The following ZSWIM5 variants were observed in gnomAD, a reference collection of about 807,000 sequenced individuals.
ZSWIM5 encodes zinc finger SWIM-type containing 5.
Under a neutral mutation model 119.6 loss-of-function variants are expected in ZSWIM5, and 55 were observed. The ratio of observed to expected loss-of-function variants is 0.46; its 90% confidence interval spans 0.37 to 0.58. The LOEUF (loss-of-function observed/expected upper bound fraction) is 0.58. Ranked by LOEUF, ZSWIM5 falls within the 20% of genes least tolerant of loss-of-function variation. The pLI, the probability that ZSWIM5 is intolerant of heterozygous loss-of-function variation, is 0.00. For missense variants in ZSWIM5, 1,193 were observed against 1,512.8 expected (o/e 0.79, Z 3.51); for synonymous variants, 537 against 606.9 (o/e 0.88, Z 1.69).
chr1:45,087,560 A>G (rs540002961), intron 2 of ZSWIM5, among the ~76,000 whole-genome samples: 8 of 152,300 alleles, frequency 5.3e-5, no homozygotes, highest in Non-Finnish European at 1.0e-4. Context: ...GCTTTCTTTT[A>G]CTGTTTTAAC....
intron 1 of ZSWIM5, among the ~76,000 whole-genome samples, chr1:45,142,923 C>A (rs1268378895): frequency 6.6e-6 from 1 of 150,940 alleles, no homozygotes; most frequent in African/African-American, 2.4e-5. Context: ...ATAATCCCAG[C>A]ACTTTGGGAG....
intron 4 of ZSWIM5, among the ~76,000 whole-genome samples, chr1:45,054,958 T>C (rs1234244909): frequency 6.6e-6 from 1 of 152,160 alleles, no homozygotes; most frequent in African/African-American, 2.4e-5. Flanking sequence ...CCTAAGTAAC[T>C]GGCATTACAG....
chr1:45,182,457 T>C (rs998097978), intron 1 of ZSWIM5, among the ~76,000 whole-genome samples: 15 of 150,206 alleles, frequency 1.0e-4, no homozygotes, highest in East Asian at 5.8e-4. Context: ...GACTGGCAAA[T>C]TGGATAAAGA....
intron 1 of ZSWIM5, among the ~76,000 whole-genome samples, chr1:45,094,310 TCCCAAAGTACTGGGATTACAGGCA>T (rs1645386105): frequency 6.6e-6 from 1 of 152,028 alleles, no homozygotes; most frequent in Admixed American, 6.5e-5. Context: ...TGCCTCAGCA[TCCCAAAGTACTGGGATTACAGGCA>T]CGAGCCACTG....
chr1:45,061,737 AG>A (rs1257522037), intron 2 of ZSWIM5, among the ~76,000 whole-genome samples: 2 of 80,730 alleles, frequency 2.5e-5, no homozygotes, highest in Non-Finnish European at 5.3e-5. Flanking sequence ...TCACCTCACC[AG>A]TTTTTTTTTT....
At chr1:45,205,473 C>T (rs1193662565) in intron 1 of ZSWIM5, among the ~76,000 whole-genome samples, 3 of 152,140 alleles carry the variant, frequency 2.0e-5, no homozygotes, top group Non-Finnish European at 2.9e-5. Context: ...AAAAGTCATA[C>T]CTCCCCATTC....
chr1:45,082,337 GAA>G (rs34118103), intron 2 of ZSWIM5, among the ~76,000 whole-genome samples: 22 of 131,158 alleles, frequency 1.7e-4, no homozygotes, highest in Admixed American at 4.6e-4. Context: ...AAAAAAAAAA[GAA>G]AAAAAAAAAA....
rs901083861 is a variant in ZSWIM5 at position 45,051,133 on chromosome 1, T to C, written c.1373A>G (p.Tyr458Cys). The change falls in exon 5 of 14, where the codon TAT becomes TGT. Residue 458 changes from tyrosine (Y) to cysteine (C), a missense_variant. Physicochemically the swap from Tyr to Cys is radical, Grantham distance 194. This residue lies in a region of ZSWIM5 where 961 missense variants were observed against 1,290.0 expected (regional missense o/e 0.74). Coordinates refer to ENST00000359600, the MANE Select transcript of ZSWIM5 (RefSeq NM_020883.2). Reference sequence around the variant, plus strand: ...GGTGATGTTGGGCAGCTCATGTCCATAGTTTCCATCCTCCAGGGGACAGAC... The same window carrying C: ...GGTGATGTTGGGCAGCTCATGTCCACAGTTTCCATCCTCCAGGGGACAGAC... Reference protein sequence around the residue: ...LDVCPLEDGNYGHELPNITNA... With the variant: ...LDVCPLEDGNCGHELPNITNA... 3.7e-6 allele frequency: 6 copies of C among 1,614,100 alleles called. No homozygotes were observed. In the East Asian group the frequency reaches 1.3e-4, roughly 36 times the overall value.
chr1:45,107,125 G>T lies in ZSWIM5; in HGVS notation c.596-18888C>A, dbSNP rs80320780. Among the ~76,000 whole-genome samples the T allele has an allele frequency of 6.9e-3, 1,042 of 152,104 alleles. 11 individuals are homozygous for T. Among genetic ancestry groups the T allele is most frequent in the African/African-American group, 0.022 (932 of 41,514 alleles). On this transcript the variant is annotated intron_variant, in intron 1 of 13. Coordinates refer to ENST00000359600, the MANE Select transcript of ZSWIM5 (RefSeq NM_020883.2). ...AGGAAAACCAGAGACCTTTGTTCTC[G>T]TGTTTATCTGCTGACCTTCTCTCCC...
At position 45,156,689 on chromosome 1, in the gene ZSWIM5, C is replaced by T. The variant is rs556839658; in HGVS notation, c.595+49067G>A. Reference sequence around the variant, plus strand: ...ATACCTAATTTGGGTAGAGTAGGAACGTACTGCATATGTCGGGGTAGTGTG... The same window carrying T: ...ATACCTAATTTGGGTAGAGTAGGAATGTACTGCATATGTCGGGGTAGTGTG... On this transcript the variant is annotated intron_variant, in intron 1 of 13. Coordinates refer to ENST00000359600, the MANE Select transcript of ZSWIM5 (RefSeq NM_020883.2). 1.3e-3 allele frequency among the ~76,000 whole-genome samples: 179 copies of T among 142,410 alleles called. 1 individual carries two copies. The highest frequency in any genetic ancestry group is 4.1e-3 in the African/African-American group (154 of 38,018). The allele number at this position is 142,410 out of a possible 152,430, so 93.4% of individuals were successfully genotyped here.
chr1:45,169,920 T>A (rs1645935385), intron 1 of ZSWIM5, among the ~76,000 whole-genome samples: 2 of 151,508 alleles, frequency 1.3e-5, no homozygotes, highest in Non-Finnish European at 2.9e-5. Flanking sequence ...ATCCTCCTTT[T>A]AAAAAAAAAT....
In ZSWIM5 at chr1:45,114,260, G is replaced by A. The variant is rs1184786951; in HGVS notation, c.596-26023C>T. On this transcript the variant is annotated intron_variant, in intron 1 of 13. Coordinates refer to ENST00000359600, the MANE Select transcript of ZSWIM5 (RefSeq NM_020883.2). ...AAGCACCACAAGCATTATAAGGAGA[G>A]TAACTAGTTTGCCTGGTACAAAGTG... Among the ~76,000 whole-genome samples, 6 of 152,224 alleles carry A rather than the reference G, an allele frequency of 3.9e-5. No individual in the cohort carries two copies. In the South Asian group the frequency reaches 1.2e-3, roughly 32 times the overall value.
At chr1:45,078,127 A>G (rs566128877) in intron 2 of ZSWIM5, among the ~76,000 whole-genome samples, 2 of 152,362 alleles carry the variant, frequency 1.3e-5, no homozygotes, top group South Asian at 4.1e-4. Flanking sequence ...TGGGGAAGTG[A>G]TAAGTGTCCA....
At chr1:45,205,124 CTTT>C (rs78531701) in intron 1 of ZSWIM5, among the ~76,000 whole-genome samples, 3 of 139,316 alleles carry the variant, frequency 2.2e-5, no homozygotes, top group African/African-American at 5.2e-5. Flanking sequence ...GATTGTATGG[CTTT>C]TTTTTTTTTT....
At chr1:45,199,749 T>A (rs1219161746) in intron 1 of ZSWIM5, among the ~76,000 whole-genome samples, 1 of 152,176 alleles carries the variant, frequency 6.6e-6, no homozygotes, top group Non-Finnish European at 1.5e-5. Flanking sequence ...TATTCACTGT[T>A]TATAACTTCC....
intron 1 of ZSWIM5, among the ~76,000 whole-genome samples, chr1:45,175,937 CT>C (rs1423598384): frequency 6.6e-6 from 1 of 151,778 alleles, no homozygotes; most frequent in Non-Finnish European, 1.5e-5. Flanking sequence ...AAGAACCTCC[CT>C]GCTTTCTGGC....
rs116179943 is a variant in ZSWIM5, at chr1:45,070,886, G to C, written c.953-10639C>G. 4.5e-3 allele frequency among the ~76,000 whole-genome samples: 685 copies of C among 152,210 alleles called. 8 individuals carry two copies. The highest frequency in any genetic ancestry group is 0.016 in the African/African-American group (646 of 41,526). On this transcript the variant is annotated intron_variant, in intron 2 of 13. Transcript: ENST00000359600. ...TGATTATTTTACAGGTATCGTGCTT[G>C]GTGAGGGACACTCAGAAATTAGCAA...
chr1:45,097,724 C>A (rs1375671768), intron 1 of ZSWIM5, among the ~76,000 whole-genome samples: 1 of 151,710 alleles, frequency 6.6e-6, no homozygotes, highest in African/African-American at 2.4e-5. Flanking sequence ...GTTTTTGAGA[C>A]AAGGTCTCAC....
At chr1:45,054,418 AC>A (rs1255033961) in intron 4 of ZSWIM5, among the ~76,000 whole-genome samples, 1 of 151,658 alleles carries the variant, frequency 6.6e-6, no homozygotes, top group African/African-American at 2.4e-5. Context: ...CCCTGTCTCT[AC>A]AAAAGTAGAA....
Sources: gnomAD v4.1 joint callset for allele counts (sites outside exome capture counted in the v4.1 genomes callset) on GRCh38, gnomAD v4.1.1 for gene constraint, gnomAD v4.1.1 regional missense constraint, MANE v1.5 for transcripts, NCBI Gene and HGNC (gene_info 2026-07-23, HGNC 2026-07-21) for gene names.